Variants in CD300E observed in about 807,000 individuals in gnomAD.
CD300E encodes the protein CMRF35-like molecule 2.
CD300E carries 14 observed loss-of-function variants against 20.9 expected under a neutral mutation model. That is an observed-to-expected ratio of 0.67 (90% CI 0.44 to 1.05). The LOEUF is 1.05. CD300E is among the 50% of genes least tolerant of loss of function. The probability of loss-of-function intolerance (pLI) is 0.00; values close to 1 mark genes in which losing one functional copy is unlikely to be tolerated. For missense variants in CD300E, 237 were observed against 253.9 expected, an observed-to-expected ratio of 0.93 and a Z score of 0.45; for synonymous variants, 102 against 103.7, an observed-to-expected ratio of 0.98 and a Z score of 0.10.
At chr17:74,619,903 C>T (rs115222243) in intron 1 of CD300E, among the ~76,000 whole-genome samples, 1,853 of 152,306 alleles carry the variant, frequency 0.012, 33 homozygotes, top group African/African-American at 0.04. Context: ...GAACCCCAAA[C>T]CTAGCAAATC....
Position 74,617,446 on chromosome 17 carries a change from G to A in CD300E, c.60C>T (p.Gly20=). The A allele has an allele frequency of 1.9e-6, 3 of 1,613,142 alleles. No individual in the cohort carries two copies. The highest frequency in any genetic ancestry group is 2.5e-6 in the Non-Finnish European group (3 of 1,179,808). Residue 20 remains glycine (G), a synonymous_variant, in exon 2 of 4, where the codon GGC becomes GGT. Coordinates refer to ENST00000392619, the MANE Select transcript of CD300E (RefSeq NM_181449.3). ...LCLSGCLSLK[G]PGSVTGTAGD... ...CCGCAGTGCCAGTCACAGAGCCGGGGCCCTTCAGAGACAAACAGCCTGGAA... is the reference window on the plus strand; with the variant it reads ...CCGCAGTGCCAGTCACAGAGCCGGGACCCTTCAGAGACAAACAGCCTGGAA...
intron 2 of CD300E, among the ~76,000 whole-genome samples, chr17:74,616,863 GCCTCCTCCA>G (rs928402274): frequency 2.0e-5 from 3 of 152,144 alleles, no homozygotes; most frequent in African/African-American, 7.2e-5. Flanking sequence ...GCATGAAGGG[GCCTCCTCCA>G]CGCTGGATAA....
intron 2 of CD300E, among the ~76,000 whole-genome samples, chr17:74,615,623 T>C (rs2030883629): frequency 6.6e-6 from 1 of 151,996 alleles, no homozygotes; most frequent in South Asian, 2.1e-4. Context: ...CGACCAACTT[T>C]CCCAGGACTT....
At chr17:74,612,807 C>A in intron 3 of CD300E, 34 bp from the exon 4 acceptor site, 1 of 1,610,586 alleles carries the variant, frequency 6.2e-7, no homozygotes, top group South Asian at 1.1e-5. Flanking sequence ...AGTCACTTCC[C>A]CGGGAGAACC....
chr17:74,617,271 T>G lies in CD300E; in HGVS notation c.235A>C (p.Arg79=). 1 of 1,614,240 alleles carries G rather than the reference T, an allele frequency of 6.2e-7. No homozygotes were observed. The highest frequency in any genetic ancestry group is 1.3e-5 in the African/African-American group (1 of 75,060). The change falls in exon 2 of 4, where the codon AGA becomes CGA. Residue 79 remains arginine, a synonymous_variant. Coordinates refer to ENST00000392619, the MANE Select transcript of CD300E (RefSeq NM_181449.3). ...KVERNGRVSI[R]DHPEALAFTV... is the part of the protein sequence containing the mutation. ...AAGGCGAGAGCCTCCGGGTGGTCTC[T>G]GATGGACACGCGGCCATTCCTCTCC... is the stretch of plus-strand genomic sequence containing the variant.
At position 74,623,725 on chromosome 17, in the gene CD300E, T is replaced by C; in HGVS notation, c.-104A>G. 8.4e-7 allele frequency: 1 copy of C among 1,191,714 alleles called. No homozygotes were observed. The highest frequency in any genetic ancestry group is 1.3e-6 in the Non-Finnish European group (1 of 795,194). 73.8% of individuals were successfully genotyped at this position (1,191,714 alleles called of 1,614,324 possible). A position where few individuals can be genotyped will look rare whatever the true frequency, so the allele number is the denominator to read the frequency against. The stretch of plus-strand genomic sequence containing the variant: ...CATCCACTTTCTACTTGTCCAAGTT[T>C]CCTTTGTGTTCTCACTCATCTATTT... On this transcript the variant is annotated 5_prime_UTR_variant, in exon 1 of 4. Transcript: ENST00000392619.
rs1338209799 is a variant in CD300E, at chr17:74,614,043, A to G, written c.389-10T>C. The G allele has an allele frequency of 4.4e-6, 7 of 1,602,566 alleles. No homozygotes were observed. The highest frequency in any genetic ancestry group is 6.0e-6 in the Non-Finnish European group (7 of 1,169,860). On this transcript the variant is annotated splice_polypyrimidine_tract_variant and intron_variant, in intron 2 of 3. Coordinates refer to ENST00000392619, the MANE Select transcript of CD300E (RefSeq NM_181449.3). ...CTTGGGGTTGTAATTGCTGTTGGAG[A>G]TGAAAATGATGCATCAGCCGTGCCT...
chr17:74,613,494 A>T (rs912605865), intron 3 of CD300E, among the ~76,000 whole-genome samples: 1 of 152,154 alleles, frequency 6.6e-6, no homozygotes, highest in Non-Finnish European at 1.5e-5. Flanking sequence ...TTGGGAGAGG[A>T]GAGAGAACTG....
At chr17:74,620,876 C>G (rs1296648563) in intron 1 of CD300E, among the ~76,000 whole-genome samples, 4 of 151,768 alleles carry the variant, frequency 2.6e-5, no homozygotes, top group Admixed American at 2.0e-4. Context: ...AATCTTGTCT[C>G]TACTAAAAAT....
rs776966108 is a variant in CD300E at position 74,617,270 on chromosome 17, C to T, written c.236G>A (p.Arg79Lys). The change falls in exon 2 of 4, where the codon AGA (arginine) becomes AAA (lysine). Residue 79 changes from arginine (R) to lysine (K), a missense_variant. By Grantham distance (26) the Arg-to-Lys change is conservative. Coordinates refer to ENST00000392619, the MANE Select transcript of CD300E (RefSeq NM_181449.3). ...KVERNGRVSI[R>K]DHPEALAFTV... ...GAAGGCGAGAGCCTCCGGGTGGTCTCTGATGGACACGCGGCCATTCCTCTC... is the reference window on the plus strand; with the variant it reads ...GAAGGCGAGAGCCTCCGGGTGGTCTTTGATGGACACGCGGCCATTCCTCTC... 1.9e-6 allele frequency: 3 copies of T among 1,614,226 alleles called. No individual in the cohort carries two copies. In the South Asian group the frequency reaches 3.3e-5, roughly 18 times the overall value.
chr17:74,617,271 T>TCCG lies in CD300E; in HGVS notation c.234_235insCGG (p.Arg79dup). The TCCG allele has an allele frequency of 1.2e-6, 2 of 1,614,240 alleles. No individual in the cohort carries two copies. Among genetic ancestry groups the TCCG allele is most frequent in the Non-Finnish European group, 1.7e-6 (2 of 1,180,044 alleles). On this transcript the variant is annotated inframe_insertion, in exon 2 of 4. Coordinates refer to ENST00000392619, the MANE Select transcript of CD300E (RefSeq NM_181449.3). Reference sequence around the variant, plus strand: ...AAGGCGAGAGCCTCCGGGTGGTCTCTGATGGACACGCGGCCATTCCTCTCC... The same window carrying TCCG: ...AAGGCGAGAGCCTCCGGGTGGTCTCTCCGGATGGACACGCGGCCATTCCTCTCC...
rs965134881 is a variant in CD300E, at chr17:74,610,035, G to C, written c.*2618C>G. On this transcript the variant is annotated 3_prime_UTR_variant, in exon 4 of 4. Transcript: ENST00000392619. The stretch of plus-strand genomic sequence containing the variant: ...CTCCTGCACCTGCTGTCTGCCATCT[G>C]TCTACTCTTTCTTAACTCTTCTCTT... 6.6e-6 allele frequency: 1 copy of C among 152,330 alleles called. No individual in the cohort carries two copies. Among genetic ancestry groups the C allele is most frequent in the Non-Finnish European group, 1.5e-5 (1 of 68,046 alleles). 9.4% of individuals were successfully genotyped at this position (152,330 alleles called of 1,614,324 possible).
chr17:74,612,716 G>C lies in CD300E; in HGVS notation c.555C>G (p.Leu185=). The stretch of plus-strand genomic sequence containing the variant: ...AGAAGACAGCACCCAGCATGCTCAG[G>C]AGCAGGGGCAGCTTCAGAAGGACCA... ...LLVVLLKLPL[L]LSMLGAVFWV... The change falls in exon 4 of 4, where the codon CTC becomes CTG. Residue 185 remains leucine (L), a synonymous_variant. Coordinates refer to ENST00000392619, the MANE Select transcript of CD300E (RefSeq NM_181449.3). 1 of 1,614,036 alleles carries C rather than the reference G, an allele frequency of 6.2e-7. No homozygotes were observed. Among genetic ancestry groups the C allele is most frequent in the African/African-American group, 1.3e-5 (1 of 75,028 alleles).
chr17:74,614,007 G>A lies in CD300E; in HGVS notation c.415C>T (p.His139Tyr), dbSNP rs1417431068. The change falls in exon 3 of 4, where the codon CAT becomes TAT. Residue 139 changes from histidine to tyrosine, a missense_variant. By Grantham distance (83) the His-to-Tyr change is moderately conservative. Transcript: ENST00000392619. The part of the protein sequence containing the change: ...PAITTPRRTT[H>Y]PATPPIFLVV... ...AGGAAGATGGGAGGTGTGGCTGGAT[G>A]TGTGGTCCTCCTTGGGGTTGTAATT... 1.9e-6 allele frequency: 3 copies of A among 1,613,978 alleles called. No individual in the cohort carries two copies. The highest frequency in any genetic ancestry group is 1.6e-4 in the Middle Eastern group (1 of 6,062).
chr17:74,614,119 C>T, intron 2 of CD300E, 86 bp from the exon 3 acceptor site: 1 of 1,049,820 alleles, frequency 9.5e-7, no homozygotes, highest in Non-Finnish European at 1.5e-6. Context: ...ACAGAATCAC[C>T]CACTCACAGA....
intron 1 of CD300E, among the ~76,000 whole-genome samples, chr17:74,620,547 G>A (rs146055392): frequency 6.6e-6 from 1 of 152,118 alleles, no homozygotes; most frequent in East Asian, 1.9e-4. Context: ...GGAGGCTGAG[G>A]CAGGAGAATC....
intron 3 of CD300E, 149 bp from the exon 4 acceptor site, chr17:74,612,922 G>C: frequency 9.2e-7 from 1 of 1,091,492 alleles, no homozygotes; most frequent in Non-Finnish European, 1.3e-6. Context: ...CCCCTTCTGT[G>C]GCCCCCATCC....
At chr17:74,619,791 G>T (rs2030981542) in intron 1 of CD300E, among the ~76,000 whole-genome samples, 1 of 152,102 alleles carries the variant, frequency 6.6e-6, no homozygotes, top group African/African-American at 2.4e-5. Flanking sequence ...GGTCTTTCTG[G>T]TTCACAAACT....
intron 2 of CD300E, among the ~76,000 whole-genome samples, chr17:74,614,857 T>C (rs1000594562): frequency 6.6e-6 from 1 of 152,188 alleles, no homozygotes; most frequent in Non-Finnish European, 1.5e-5. Flanking sequence ...GGACTTCAGG[T>C]GACCACCAGA....
Sources: gnomAD v4.1 joint callset for allele counts (sites outside exome capture counted in the v4.1 genomes callset) on GRCh38, gnomAD v4.1.1 for gene constraint, MANE v1.5 for transcripts, NCBI Gene and HGNC (gene_info 2026-07-23, HGNC 2026-07-21) for gene names.